Variants in PHACTR1 observed in about 807,000 individuals in gnomAD.
PHACTR1 encodes phosphatase and actin regulator 1, also known as RPEL repeat containing 1.
In PHACTR1, 16 loss-of-function variants were observed where a neutral mutation model predicts 69.2. That is an observed-to-expected ratio of 0.23 (90% CI 0.16 to 0.35). PHACTR1 has a LOEUF of 0.35. Among genes scored for constraint, PHACTR1 ranks in the 10% least tolerant of loss-of-function variants. The pLI, the probability that PHACTR1 is intolerant of heterozygous loss-of-function variation, is 1.00. For synonymous variants in PHACTR1, 312 were observed against 284.5 expected, an observed-to-expected ratio of 1.10 and a Z score of -0.97; for missense variants, 510 against 734.7, an observed-to-expected ratio of 0.69 and a Z score of 3.54.
At chr6:12,903,480 A>C (rs193090350) in intron 4 of PHACTR1, among the ~76,000 whole-genome samples, 43 of 152,336 alleles carry the variant, frequency 2.8e-4, no homozygotes, top group Admixed American at 9.1e-4. Context: ...GGGCAACAGG[A>C]CTGGACTCCA....
At chr6:12,780,361 T>C (rs1046780347) in intron 4 of PHACTR1, among the ~76,000 whole-genome samples, 10 of 151,914 alleles carry the variant, frequency 6.6e-5, no homozygotes, top group African/African-American at 1.9e-4. Context: ...CACAGCTTCA[T>C]ATAAAAGAAT....
At chr6:13,153,258 G>A (rs1435101972) in intron 5 of PHACTR1, among the ~76,000 whole-genome samples, 1 of 152,138 alleles carries the variant, frequency 6.6e-6, no homozygotes, top group Non-Finnish European at 1.5e-5. Context: ...GCCTTTTGAG[G>A]TTTCATGCCT....
At chr6:13,169,058 G>A (rs1760229995) in intron 6 of PHACTR1, among the ~76,000 whole-genome samples, 2 of 152,138 alleles carry the variant, frequency 1.3e-5, no homozygotes, top group African/African-American at 4.8e-5. Context: ...GTGATGGTGG[G>A]TAGTGGGGAA....
At chr6:12,905,519 T>G (rs1279820444) in intron 4 of PHACTR1, among the ~76,000 whole-genome samples, 4 of 152,082 alleles carry the variant, frequency 2.6e-5, no homozygotes. Flanking sequence ...GGTGACACGG[T>G]CTTTGCTGTC....
intron 3 of PHACTR1, among the ~76,000 whole-genome samples, chr6:12,748,425 T>G (rs562811476): frequency 2.4e-4 from 37 of 152,264 alleles, no homozygotes; most frequent in Middle Eastern, 3.4e-3. Context: ...CAAGGTAAGA[T>G]TTAATCTGTA....
intron 6 of PHACTR1, among the ~76,000 whole-genome samples, chr6:13,174,940 GGTT>G (rs1026689321): frequency 5.3e-5 from 8 of 152,136 alleles, no homozygotes. Flanking sequence ...TTGTTTCAGA[GGTT>G]GTTATTATTA....
rs772804033 is a variant in PHACTR1 at position 13,003,965 on chromosome 6, G to GTATATATATATATATATGTA, written c.251-49386_251-49385insTATGTATATATATATATATA. ...CAGTAGTATTCCTATATATATATAT[G>GTATATATATATATATATGTA]TATATATATATATACACATATATAT... On this transcript the variant is annotated intron_variant, in intron 4 of 14. Coordinates refer to ENST00000332995, the MANE Select transcript of PHACTR1 (RefSeq NM_030948.6). Among the ~76,000 whole-genome samples the GTATATATATATATATATGTA allele has an allele frequency of 1.7e-4, 16 of 96,302 alleles. 1 individual carries two copies. In the East Asian group the frequency reaches 3.3e-3, roughly 20 times the overall value. 63.2% of individuals were successfully genotyped at this position (96,302 alleles called of 152,430 possible). A position where few individuals can be genotyped will look rare whatever the true frequency, so the allele number is the denominator to read the frequency against.
At chr6:13,050,102 C>T (rs1279658088) in intron 4 of PHACTR1, among the ~76,000 whole-genome samples, 2 of 152,176 alleles carry the variant, frequency 1.3e-5, no homozygotes, top group Non-Finnish European at 2.9e-5. Flanking sequence ...CTGTGGTTTC[C>T]CACAATTATT....
intron 4 of PHACTR1, among the ~76,000 whole-genome samples, chr6:12,989,676 A>G (rs543241424): frequency 6.6e-6 from 1 of 152,330 alleles, no homozygotes; most frequent in African/African-American, 2.4e-5. Context: ...GGTGGGAGCC[A>G]GGGGGCCAGT....
chr6:13,246,803 C>T lies in PHACTR1; in HGVS notation c.1391+16610C>T, dbSNP rs1197402404. Among the ~76,000 whole-genome samples, 2 of 152,188 alleles carry T rather than the reference C, an allele frequency of 1.3e-5. No individual in the cohort carries two copies. Among genetic ancestry groups the T allele is most frequent in the Non-Finnish European group, 2.9e-5 (2 of 68,028 alleles). ...AGTACAGTTGTTCTTCACGTGTCCC[C>T]ATGTATCTTTGTTTACTGGCAAAAC... On this transcript the variant is annotated intron_variant, in intron 10 of 14. Transcript: ENST00000332995. The surrounding 1 kb of genome is among the most constrained non-coding windows in gnomAD (Gnocchi z 4.2).
intron 4 of PHACTR1, among the ~76,000 whole-genome samples, chr6:12,913,997 T>G (rs924628513): frequency 2.0e-5 from 3 of 152,046 alleles, no homozygotes; most frequent in Non-Finnish European, 2.9e-5. Flanking sequence ...TGATAAGGAG[T>G]CTTGCTGTGT....
intron 3 of PHACTR1, among the ~76,000 whole-genome samples, chr6:12,731,992 A>G (rs189416000): frequency 9.1e-6 from 1 of 109,630 alleles, no homozygotes; most frequent in Non-Finnish European, 2.0e-5. Context: ...TTTTTTTTTT[A>G]TTTGGGAAAC....
intron 4 of PHACTR1, among the ~76,000 whole-genome samples, chr6:12,822,466 C>T (rs191751759): frequency 9.8e-5 from 15 of 152,348 alleles, no homozygotes; most frequent in African/African-American, 3.6e-4. Flanking sequence ...GGATGCCTGA[C>T]AATCCACCAA....
At chr6:13,286,429 C>G (rs1781710925) in intron 14 of PHACTR1, among the ~76,000 whole-genome samples, 1 of 152,178 alleles carries the variant, frequency 6.6e-6, no homozygotes, top group East Asian at 1.9e-4. Context: ...CAACTTTCTG[C>G]AAAGTCTGAG....
intron 4 of PHACTR1, among the ~76,000 whole-genome samples, chr6:13,024,049 C>T (rs1031319304): frequency 6.6e-6 from 1 of 151,624 alleles, no homozygotes; most frequent in African/African-American, 2.4e-5. Flanking sequence ...TGCACTCCAG[C>T]CTGGGTGACA....
At chr6:12,913,242 T>C (rs1026023803) in intron 4 of PHACTR1, among the ~76,000 whole-genome samples, 4 of 152,216 alleles carry the variant, frequency 2.6e-5, no homozygotes, top group African/African-American at 9.6e-5. Context: ...ATCAGGTGAC[T>C]AGCCTGTGAG....
At chr6:13,205,694 C>A in intron 7 of PHACTR1, 121 bp from the exon 8 acceptor site, 5 of 913,206 alleles carry the variant, frequency 5.5e-6, no homozygotes, top group South Asian at 1.7e-5. Flanking sequence ...CTCCAACTGA[C>A]GCATTTTACC....
chr6:13,240,421 T>A (rs1772658678), intron 10 of PHACTR1, among the ~76,000 whole-genome samples: 1 of 151,056 alleles, frequency 6.6e-6, no homozygotes, highest in Non-Finnish European at 1.5e-5. Context: ...CGTTGTGGGT[T>A]TTTTTTTGTT....
rs569315918 is a variant in PHACTR1, at chr6:12,996,803, T to A, written c.251-56562T>A. On this transcript the variant is annotated intron_variant, in intron 4 of 14. Transcript: ENST00000332995. ...GATCAATCTAATTTATGAACGTAAA[T>A]TAAATGCAGAAATTCTAAATATAAT... Among the ~76,000 whole-genome samples, 9 of 152,288 alleles carry A rather than the reference T, an allele frequency of 5.9e-5. No individual in the cohort carries two copies. In the South Asian group the frequency reaches 1.9e-3, roughly 32 times the overall value.
Sources: gnomAD v4.1 joint callset for allele counts (sites outside exome capture counted in the v4.1 genomes callset) on GRCh38, gnomAD v4.1.1 for gene constraint, Gnocchi (gnomAD v3.1) non-coding constraint, MANE v1.5 for transcripts, NCBI Gene and HGNC (gene_info 2026-07-23, HGNC 2026-07-21) for gene names.